The following ZNF248 variants were observed in gnomAD, a reference collection of about 807,000 sequenced individuals.
ZNF248 encodes the protein KRAB protein domain.
A neutral mutation model predicts 44.3 loss-of-function variants in ZNF248; 20 were observed. That is an observed-to-expected ratio of 0.45 (90% CI 0.32 to 0.66). The LOEUF (loss-of-function observed/expected upper bound fraction) is 0.66, where lower values mean the gene tolerates loss of function less well. Among genes scored for constraint, ZNF248 ranks in the 30% least tolerant of loss-of-function variants. The pLI, the probability that ZNF248 is intolerant of heterozygous loss-of-function variation, is 0.04. For missense variants in ZNF248, 654 were observed against 677.0 expected, an observed-to-expected ratio of 0.97 and a Z score of 0.38; for synonymous variants, 224 against 229.0, an observed-to-expected ratio of 0.98 and a Z score of 0.20.
chr10:37,819,847 A>C, intron 6 of ZNF248: 1 of 786,204 alleles, frequency 1.3e-6, no homozygotes, highest in Middle Eastern at 2.3e-4. Context: ...TCCGTTGTCT[A>C]TCTCTTCCCT....
At chr10:37,772,959 T>A (rs1240086388), downstream of ZNF248, among the ~76,000 whole-genome samples, 2 of 152,056 alleles carry the variant, frequency 1.3e-5, no homozygotes, top group African/African-American at 2.4e-5. Flanking sequence ...GCTACATATG[T>A]ACCAATATGA....
At chr10:37,800,644 G>T (rs1453286783) in intron 6 of ZNF248, among the ~76,000 whole-genome samples, 1 of 152,186 alleles carries the variant, frequency 6.6e-6, no homozygotes, top group East Asian at 1.9e-4. Context: ...CACTAATGGG[G>T]TTGCTAGGTA....
chr10:37,786,702 G>C (rs1337628672), intron 6 of ZNF248, among the ~76,000 whole-genome samples: 3 of 152,100 alleles, frequency 2.0e-5, no homozygotes, highest in Admixed American at 2.0e-4. Context: ...ATAGTTTACA[G>C]CTGCTTTCTT....
Position 37,829,464 on chromosome 10 carries a change from CT to C in ZNF248, c.*2150del, listed in dbSNP as rs769197273. 2.4e-5 allele frequency: 24 copies of C among 985,386 alleles called. No homozygotes were observed. The highest frequency in any genetic ancestry group is 2.9e-5 in the Non-Finnish European group (24 of 829,926). The allele number at this position is 985,386 out of a possible 1,614,324, so 61.0% of individuals were successfully genotyped here. A position where few individuals can be genotyped will look rare whatever the true frequency, so the allele number is the denominator to read the frequency against. ...TTGTGAAAAGAAATAATTCTTCCCC[CT>C]AATTACCATATAGAACATTAACACT... On this transcript the variant is annotated 3_prime_UTR_variant, in exon 6 of 6. Coordinates refer to ENST00000395867, the MANE Select transcript of ZNF248 (RefSeq NM_021045.3).
chr10:37,821,215 A>C (rs1048755689), intron 6 of ZNF248, among the ~76,000 whole-genome samples: 2 of 152,136 alleles, frequency 1.3e-5, no homozygotes, highest in Non-Finnish European at 2.9e-5. Flanking sequence ...AGCAACTACA[A>C]AAATGACATA....
At chr10:37,823,075 C>G (rs1204734783) in intron 6 of ZNF248, among the ~76,000 whole-genome samples, 2 of 152,016 alleles carry the variant, frequency 1.3e-5, no homozygotes, top group Non-Finnish European at 2.9e-5. Flanking sequence ...GTGGCTCACA[C>G]CTGTAATCCC....
At chr10:37,763,723 G>C in the ZNF248 span, among the ~76,000 whole-genome samples, 1 of 152,198 alleles carries the variant, frequency 6.6e-6, no homozygotes, top group African/African-American at 2.4e-5. Flanking sequence ...CCTGAACAGA[G>C]GGACCGGCTG....
At chr10:37,839,660 A>G (rs147261755) in intron 3 of ZNF248, among the ~76,000 whole-genome samples, 1 of 152,304 alleles carries the variant, frequency 6.6e-6, no homozygotes, top group African/African-American at 2.4e-5. Context: ...TTAACGAAAG[A>G]CTATCAAAAT....
chr10:37,832,766 T>A lies in ZNF248; in HGVS notation c.589A>T (p.Asn197Tyr). 1 of 1,613,734 alleles carries A rather than the reference T, an allele frequency of 6.2e-7. No homozygotes were observed. Among genetic ancestry groups the A allele is most frequent in the East Asian group, 2.2e-5 (1 of 44,858 alleles). ...AGATCCTGGTGATAATTAATGGCAT[T>A]CCTTTTTTGATCATATTTATAAGAC... The part of the protein sequence containing the change: ...EKSYKYDQKR[N>Y]AINYHQDLSQ... Residue 197 changes from asparagine (N) to tyrosine (Y), a missense_variant, in exon 6 of 6, where the codon AAT becomes TAT. Coordinates refer to ENST00000395867, the MANE Select transcript of ZNF248 (RefSeq NM_021045.3).
intron 6 of ZNF248, among the ~76,000 whole-genome samples, chr10:37,823,401 A>AT (rs1290211658): frequency 6.6e-6 from 1 of 151,808 alleles, no homozygotes; most frequent in Admixed American, 6.6e-5. Flanking sequence ...TTAACAAAAA[A>AT]ATGAAACGTA....
At chr10:37,776,676 T>C (rs1325178982) in intron 6 of ZNF248, 1 of 388,020 alleles carries the variant, frequency 2.6e-6, no homozygotes, top group African/African-American at 2.1e-5. Flanking sequence ...ATGCTGAAGG[T>C]TGGATGGTGC....
chr10:37,823,165 C>T (rs1289183351), intron 6 of ZNF248, among the ~76,000 whole-genome samples: 1 of 151,588 alleles, frequency 6.6e-6, no homozygotes. Flanking sequence ...AAAGCCCTGT[C>T]TCTACTAAAA....
chr10:37,764,531 A>G, the ZNF248 span, among the ~76,000 whole-genome samples: 1 of 152,118 alleles, frequency 6.6e-6, no homozygotes, highest in Non-Finnish European at 1.5e-5. Context: ...TCCCCTTTTG[A>G]AAATCACTAA....
chr10:37,820,460 C>T (rs2133610487), intron 6 of ZNF248: 1 of 1,591,426 alleles, frequency 6.3e-7, no homozygotes, highest in South Asian at 1.1e-5. Context: ...ATCTAAACCA[C>T]AGAGGGGCTG....
intron 5 of ZNF248, among the ~76,000 whole-genome samples, chr10:37,834,630 G>T (rs557581464): frequency 6.6e-6 from 1 of 152,118 alleles, no homozygotes; most frequent in Non-Finnish European, 1.5e-5. Flanking sequence ...CATATGAACA[G>T]GTCTAAGTTT....
At chr10:37,814,371 G>A (rs912790921) in intron 6 of ZNF248, among the ~76,000 whole-genome samples, 12 of 152,074 alleles carry the variant, frequency 7.9e-5, no homozygotes, top group Non-Finnish European at 1.3e-4. Context: ...ACATTTTTAC[G>A]CATTAGTCTC....
chr10:37,781,849 AATAAGGT>A (rs1353855965), intron 6 of ZNF248, among the ~76,000 whole-genome samples: 4 of 152,188 alleles, frequency 2.6e-5, no homozygotes, highest in Non-Finnish European at 5.9e-5. Context: ...CCAACTCTTT[AATAAGGT>A]TATTAATCTT....
At chr10:37,777,463 G>A (rs1779052) in intron 6 of ZNF248, among the ~76,000 whole-genome samples, 9,116 of 151,000 alleles carry the variant, frequency 0.06, 350 homozygotes, top group Middle Eastern at 0.098. Context: ...AGCCCAATGC[G>A]TCTCCAGAAT....
intron 6 of ZNF248, among the ~76,000 whole-genome samples, chr10:37,815,991 G>GAAA (rs71007668): frequency 2.2e-4 from 29 of 130,134 alleles, no homozygotes; most frequent in East Asian, 1.1e-3. Flanking sequence ...TCCGATAATG[G>GAAA]AAAAAAAAAA....
Sources: allele counts gnomAD v4.1 joint callset (sites outside exome capture counted in the v4.1 genomes callset), GRCh38; gene constraint gnomAD v4.1.1; transcripts MANE v1.5; gene names NCBI Gene and HGNC (gene_info 2026-07-23, HGNC 2026-07-21).